Variants in MUS81 observed in about 807,000 individuals in gnomAD.
The protein encoded by MUS81 is structure-specific endonuclease subunit MUS81.
In MUS81, 69 loss-of-function variants were observed where a neutral mutation model predicts 74.2. The ratio of observed to expected loss-of-function variants is 0.93; its 90% confidence interval spans 0.77 to 1.14. The LOEUF (loss-of-function observed/expected upper bound fraction) is 1.14, where lower values mean the gene tolerates loss of function less well. Ranked by LOEUF, MUS81 falls within the 50% of genes most tolerant of loss-of-function variation. MUS81 has a pLI of 0.00. For synonymous variants in MUS81, 303 were observed against 300.6 expected, an observed-to-expected ratio of 1.01 and a Z score of -0.08; for missense variants, 711 against 726.5, an observed-to-expected ratio of 0.98 and a Z score of 0.25.
chr11:65,862,697 G>A lies in MUS81; in HGVS notation c.605+168G>A, dbSNP rs4515971. On this transcript the variant is annotated intron_variant, in intron 6 of 15. Transcript: ENST00000308110. ...CTGGAGGGTGTGAAACCGCAGCAGC[G>A]GGGGTGGGAGGGTGCGGTGGTTATT... is the stretch of plus-strand genomic sequence containing the variant. Among the ~76,000 whole-genome samples, 346 of 152,280 alleles carry A rather than the reference G, an allele frequency of 2.3e-3. 1 individual carries two copies. The highest frequency in any genetic ancestry group is 3.7e-3 in the Non-Finnish European group (255 of 68,012).
chr11:65,864,736 T>C lies in MUS81; in HGVS notation c.1193T>C (p.Phe398Ser). Reference protein sequence around the residue: ...VTNTQVIDGFFVKRTADIKES... With the variant: ...VTNTQVIDGFSVKRTADIKES... The stretch of plus-strand genomic sequence containing the variant: ...CTTCCCCAGGTCATTGATGGCTTTT[T>C]TGTGAAGCGCACAGCAGACATTAAG... The change falls in exon 12 of 16, where the codon TTT becomes TCT. Residue 398 changes from phenylalanine to serine, a missense_variant. Physicochemically the swap from Phe to Ser is radical, Grantham distance 155. Coordinates refer to ENST00000308110, the MANE Select transcript of MUS81 (RefSeq NM_025128.5). 1.9e-6 allele frequency: 3 copies of C among 1,614,116 alleles called. No individual in the cohort carries two copies. The highest frequency in any genetic ancestry group is 2.5e-6 in the Non-Finnish European group (3 of 1,180,008).
chr11:65,865,238 G>A lies in MUS81; in HGVS notation c.1420G>A (p.Val474Met), dbSNP rs1188866330. The stretch of plus-strand genomic sequence containing the variant: ...AACCCAGGCCCAGTCGGTGCGAGAA[G>A]TGTTTGCCCGGCAGCTGATGCAGGT... ...IKNKAQSVRE[V>M]FARQLMQVRG... The change falls in exon 14 of 16, where the codon GTG becomes ATG. Residue 474 changes from valine to methionine, a missense_variant. Coordinates refer to ENST00000308110, the MANE Select transcript of MUS81 (RefSeq NM_025128.5). 6.2e-7 allele frequency: 1 copy of A among 1,614,208 alleles called. No individual in the cohort carries two copies. Among genetic ancestry groups the A allele is most frequent in the South Asian group, 1.1e-5 (1 of 91,084 alleles).
chr11:65,866,211 A>C lies in MUS81; in HGVS notation c.*159A>C, dbSNP rs1859830806. On this transcript the variant is annotated 3_prime_UTR_variant, in exon 16 of 16. Transcript: ENST00000308110. ...GCCCTGGGGACCTTGTGAAATACGC[A>C]GGAACCAGGGATACCATCTGGTCCA... 1.4e-6 allele frequency: 1 copy of C among 689,690 alleles called. No individual in the cohort carries two copies. Among genetic ancestry groups the C allele is most frequent in the Admixed American group, 2.9e-5 (1 of 33,922 alleles). The allele number at this position is 689,690 out of a possible 1,614,324, so 42.7% of individuals were successfully genotyped here.
chr11:65,860,890 T>G lies in MUS81; in HGVS notation c.135+2T>G, dbSNP rs2134721496. The G allele has an allele frequency of 6.3e-7, 1 of 1,593,754 alleles. No individual in the cohort carries two copies. Among genetic ancestry groups the G allele is most frequent in the East Asian group, 2.3e-5 (1 of 44,256 alleles). ...CGCACGCGCTTCGTATTTCAGAAGG[T>G]GGGTCCTGGCGTGGCCCGATGGGAA... is the stretch of plus-strand genomic sequence containing the variant. On this transcript the variant is annotated splice_donor_variant, in intron 1 of 15. Transcript: ENST00000308110. LOFTEE classifies it high-confidence loss of function.
Position 65,860,844 on chromosome 11 carries a change from G to A in MUS81, c.91G>A (p.Glu31Lys). The A allele has an allele frequency of 7.1e-6, 11 of 1,544,184 alleles. No homozygotes were observed. Among genetic ancestry groups the A allele is most frequent in the Non-Finnish European group, 7.8e-6 (9 of 1,147,038 alleles). The change falls in exon 1 of 16, where the codon GAG (glutamate) becomes AAG (lysine). Residue 31 changes from glutamate to lysine, a missense_variant. Transcript: ENST00000308110. ...TCGCTGGCTGACCGAGTGGCGGGAC[G>A]AGGCGACCCGCAGCAGGCGCCGCAC... The part of the protein sequence containing the change: ...FVRWLTEWRD[E>K]ATRSRRRTRF...
Position 65,865,808 on chromosome 11 carries a change from C to A in MUS81, c.1506-3C>A. On this transcript the variant is annotated splice_region_variant and splice_polypyrimidine_tract_variant and intron_variant, in intron 14 of 15. Coordinates refer to ENST00000308110, the MANE Select transcript of MUS81 (RefSeq NM_025128.5). Reference sequence around the variant, plus strand: ...CTCAGAAACTCAAACCCCTGCCCCCCAGCCTCCTGGCCGCCTATGATGCCT... The same window carrying A: ...CTCAGAAACTCAAACCCCTGCCCCCAAGCCTCCTGGCCGCCTATGATGCCT... The A allele has an allele frequency of 1.9e-6, 3 of 1,613,810 alleles. No individual in the cohort carries two copies. Among genetic ancestry groups the A allele is most frequent in the Non-Finnish European group, 2.5e-6 (3 of 1,179,958 alleles).
Position 65,864,571 on chromosome 11 carries a change from C to A in MUS81, c.1134C>A (p.Ser378Arg). The A allele has an allele frequency of 1.9e-6, 3 of 1,614,182 alleles. No individual in the cohort carries two copies. The highest frequency in any genetic ancestry group is 1.3e-5 in the African/African-American group (1 of 75,048). Reference protein sequence around the residue: ...VEEHGSVHNLSLPESTLLQAV... With the variant: ...VEEHGSVHNLRLPESTLLQAV... Reference sequence around the variant, plus strand: ...AGCATGGTTCCGTCCACAACCTCAGCCTTCCTGAGAGCACACTGCTGCAGG... The same window carrying A: ...AGCATGGTTCCGTCCACAACCTCAGACTTCCTGAGAGCACACTGCTGCAGG... The change falls in exon 11 of 16, where the codon AGC (serine) becomes AGA (arginine). Residue 378 changes from serine to arginine, a missense_variant. Physicochemically the swap from Ser to Arg is moderately radical, Grantham distance 110. Coordinates refer to ENST00000308110, the MANE Select transcript of MUS81 (RefSeq NM_025128.5).
At chr11:65,865,402 A>AG (rs1859791736) in intron 14 of MUS81, 79 bp downstream of exon 14, 3 of 1,416,138 alleles carry the variant, frequency 2.1e-6, no homozygotes, top group South Asian at 2.6e-5. Flanking sequence ...TGCTTCGTGG[A>AG]GGGGGCCTGG....
intron 10 of MUS81, 65 bp from the exon 11 acceptor site, chr11:65,864,432 C>A (rs556246614): frequency 3.5e-6 from 5 of 1,413,362 alleles, no homozygotes; most frequent in East Asian, 4.5e-5. Context: ...AGTGTGACAT[C>A]ATGGATGCCC....
chr11:65,861,691 C>G, intron 3 of MUS81: 1 of 601,064 alleles, frequency 1.7e-6, no homozygotes, highest in Non-Finnish European at 3.0e-6. Flanking sequence ...ATTGAGTTTT[C>G]CTGTCTAATT....
chr11:65,860,575 C>T lies in MUS81; in HGVS notation c.-179C>T. On this transcript the variant is annotated 5_prime_UTR_variant, in exon 1 of 16. Transcript: ENST00000308110. ...AGCAGCGCAGGGGTGGGAGGGCGGC[C>T]GCAGGCTCTCCTCTCGTTAGTGCCC... The T allele has an allele frequency of 1.3e-6, 1 of 784,160 alleles. No individual in the cohort carries two copies. Among genetic ancestry groups the T allele is most frequent in the Non-Finnish European group, 2.0e-6 (1 of 490,040 alleles). The allele number at this position is 784,160 out of a possible 1,614,324, so 48.6% of individuals were successfully genotyped here.
In MUS81 at chr11:65,862,072, G is replaced by A. The variant is rs199942868; in HGVS notation, c.450+27G>A. 9.5e-5 allele frequency: 152 copies of A among 1,602,490 alleles called. No homozygotes were observed. The African/African-American group carries it at 1.5e-3, about 16-fold the overall frequency. On this transcript the variant is annotated intron_variant, in intron 4 of 15. Transcript: ENST00000308110. ...TGAGCACTGGGCTACACCGGGAGGC[G>A]GAACCATGGCAGTGGGGTGGGAGGT...
rs947961514 is a variant in MUS81 at position 65,861,939 on chromosome 11, C to T, written c.352-8C>T. 1 of 1,603,478 alleles carries T rather than the reference C, an allele frequency of 6.2e-7. No individual in the cohort carries two copies. The highest frequency in any genetic ancestry group is 8.5e-7 in the Non-Finnish European group (1 of 1,175,454). ...CTTTCATGTTCAGAACTCCTCTGTA[C>T]CTTTCAGGTTCCTGCCCAGCCCAAA... is the stretch of plus-strand genomic sequence containing the variant. On this transcript the variant is annotated splice_polypyrimidine_tract_variant and splice_region_variant and intron_variant, in intron 3 of 15. Coordinates refer to ENST00000308110, the MANE Select transcript of MUS81 (RefSeq NM_025128.5).
chr11:65,861,589 C>T (rs575085), intron 3 of MUS81, 154 bp downstream of exon 3: 9,644 of 639,132 alleles, frequency 0.015, 103 homozygotes, highest in Non-Finnish European at 0.02. Flanking sequence ...GTATTTTAAC[C>T]TGTGAATAGA....
chr11:65,864,570 G>A lies in MUS81; in HGVS notation c.1133G>A (p.Ser378Asn), dbSNP rs1859742627. The A allele has an allele frequency of 6.2e-7, 1 of 1,614,178 alleles. No homozygotes were observed. ...VEEHGSVHNLSLPESTLLQAV... is the reference protein window; with the variant it reads ...VEEHGSVHNLNLPESTLLQAV... The stretch of plus-strand genomic sequence containing the variant: ...GAGCATGGTTCCGTCCACAACCTCA[G>A]CCTTCCTGAGAGCACACTGCTGCAG... Residue 378 changes from serine (S) to asparagine (N), a missense_variant, in exon 11 of 16, where the codon AGC (serine) becomes AAC (asparagine). By Grantham distance (46) the Ser-to-Asn change is conservative (BLOSUM62 1). Transcript: ENST00000308110.
Position 65,863,665 on chromosome 11 carries a change from A to G in MUS81, c.905A>G (p.Lys302Arg), listed in dbSNP as rs1320652215. The change falls in exon 9 of 16, where the codon AAG becomes AGG. Residue 302 changes from lysine (K) to arginine (R), a missense_variant. By Grantham distance (26) the Lys-to-Arg change is conservative (BLOSUM62 2). Transcript: ENST00000308110. ...QRLHVTHTVRKLHVGDFVWVA... is the reference protein window; with the variant it reads ...QRLHVTHTVRRLHVGDFVWVA... ...CTGCACGTGACCCACACGGTGCGCA[A>G]GCTGCACGTTGGAGATTTTGTGTGG... 25 of 1,613,938 alleles carry G rather than the reference A, an allele frequency of 1.5e-5. No individual in the cohort carries two copies. Among genetic ancestry groups the G allele is most frequent in the Non-Finnish European group, 2.1e-5 (25 of 1,179,994 alleles).
rs1381127788 is a variant in MUS81, at chr11:65,865,319, G to T, written c.1501G>T (p.Ala501Ser). The change falls in exon 14 of 16, where the codon GCC becomes TCC. Residue 501 changes from alanine (A) to serine (S), a missense_variant. By Grantham distance (99) the Ala-to-Ser change is moderately conservative (BLOSUM62 1). Coordinates refer to ENST00000308110, the MANE Select transcript of MUS81 (RefSeq NM_025128.5). ...CCTGGTGGATCGATACAGCACCCCT[G>T]CCAGGTAGGCCCTAAAGGGCCCTTA... is the stretch of plus-strand genomic sequence containing the variant. ...AALVDRYSTP[A>S]SLLAAYDACA... 1 of 1,613,412 alleles carries T rather than the reference G, an allele frequency of 6.2e-7. No homozygotes were observed. Among genetic ancestry groups the T allele is most frequent in the Non-Finnish European group, 8.5e-7 (1 of 1,179,672 alleles).
Position 65,863,090 on chromosome 11 carries a change from G to C in MUS81, c.631G>C (p.Glu211Gln), listed in dbSNP as rs758506242. The C allele has an allele frequency of 1.2e-6, 2 of 1,614,164 alleles. No individual in the cohort carries two copies. Among genetic ancestry groups the C allele is most frequent in the Admixed American group, 1.7e-5 (1 of 60,024 alleles). The part of the protein sequence containing the change: ...ARYSLTPEGL[E>Q]LAQKLAESEG... ...GTACTCATTGACCCCAGAGGGCCTG[G>C]AGCTGGCCCAGAAGTTGGCCGAGTC... Residue 211 changes from glutamate to glutamine, a missense_variant, in exon 7 of 16, where the codon GAG (glutamate) becomes CAG (glutamine). Coordinates refer to ENST00000308110, the MANE Select transcript of MUS81 (RefSeq NM_025128.5).
Position 65,865,967 on chromosome 11 carries a change from G to A in MUS81, c.1590-19G>A, listed in dbSNP as rs185303954. The A allele has an allele frequency of 8.5e-5, 137 of 1,613,936 alleles. 1 individual carries two copies. In the African/African-American group the frequency reaches 1.1e-3, roughly 13 times the overall value. ...GCCCTAGGCCCAGGGCGTGACCCTC[G>A]CTGCCTCTCTTCCTGCAGGAATCTG... On this transcript the variant is annotated intron_variant, in intron 15 of 15. Transcript: ENST00000308110.
Sources: gnomAD v4.1 joint callset for allele counts (sites outside exome capture counted in the v4.1 genomes callset) on GRCh38, gnomAD v4.1.1 for gene constraint, MANE v1.5 for transcripts, NCBI Gene and HGNC (gene_info 2026-07-23, HGNC 2026-07-21) for gene names.